Variants in HCN1 observed in about 807,000 individuals in gnomAD.
HCN1 encodes the protein hyperpolarization activated cyclic nucleotide gated potassium channel 1.
A neutral mutation model predicts 78.9 loss-of-function variants in HCN1; 13 were observed. The ratio of observed to expected loss-of-function variants is 0.16; its 90% CI spans 0.11 to 0.26. The LOEUF is 0.26. Among genes scored for constraint, HCN1 ranks in the 10% least tolerant of loss-of-function variants. The pLI is 1.00. For missense variants in HCN1, 810 were observed against 1,154.3 expected (o/e 0.70, Z 4.32); for synonymous variants, 552 against 455.5 (o/e 1.21, Z -2.70).
chr5:45,611,854 G>A (rs976098382), intron 2 of HCN1, among the ~76,000 whole-genome samples: 10 of 152,056 alleles, frequency 6.6e-5, no homozygotes, highest in African/African-American at 2.4e-4. Context: ...TAACTACATT[G>A]GAGACAAATC....
At chr5:45,339,735 T>A (rs1746535869) in intron 5 of HCN1, among the ~76,000 whole-genome samples, 1 of 152,114 alleles carries the variant, frequency 6.6e-6, no homozygotes, top group African/African-American at 2.4e-5. Flanking sequence ...AACCTGAATA[T>A]GGCATTTAAA....
At chr5:45,622,292 T>A (rs755569041) in intron 2 of HCN1, among the ~76,000 whole-genome samples, 5 of 152,024 alleles carry the variant, frequency 3.3e-5, no homozygotes, top group Non-Finnish European at 5.9e-5. Flanking sequence ...ATACAAGCCA[T>A]GTGAAAGGAA....
rs148825259 is a variant in HCN1, at chr5:45,391,346, G to A, written c.1230+5146C>T. On this transcript the variant is annotated intron_variant, in intron 4 of 7. Coordinates refer to ENST00000303230, the MANE Select transcript of HCN1 (RefSeq NM_021072.4). ...AACTTCAAAGTCCCTCTGCTCTTCT[G>A]AAGGCAGATGCTACTGAATGCTACA... Among the ~76,000 whole-genome samples, 398 of 152,264 alleles carry A rather than the reference G, an allele frequency of 2.6e-3. 1 individual carries two copies. Among genetic ancestry groups the A allele is most frequent in the African/African-American group, 9.1e-3 (377 of 41,548 alleles).
intron 2 of HCN1, among the ~76,000 whole-genome samples, chr5:45,545,135 G>T (rs538603700): frequency 1.3e-5 from 2 of 151,974 alleles, no homozygotes; most frequent in East Asian, 3.9e-4. Flanking sequence ...TTTAATGATC[G>T]CCATTCTAAC....
chr5:45,339,104 G>T (rs1746522348), intron 5 of HCN1, among the ~76,000 whole-genome samples: 1 of 152,092 alleles, frequency 6.6e-6, no homozygotes, highest in Non-Finnish European at 1.5e-5. Context: ...ATTTTATTAA[G>T]CAGTCATGAT....
intron 4 of HCN1, among the ~76,000 whole-genome samples, chr5:45,360,674 T>A (rs1370892167): frequency 1.3e-5 from 2 of 152,110 alleles, no homozygotes; most frequent in African/African-American, 2.4e-5. Flanking sequence ...GGTTATTTTA[T>A]GAAAAAGTTT....
chr5:45,348,390 C>T (rs57124569), intron 5 of HCN1, among the ~76,000 whole-genome samples: 7,008 of 152,092 alleles, frequency 0.046, 570 homozygotes, highest in African/African-American at 0.16. Flanking sequence ...AAGGAACGAC[C>T]GGTACCAGCC....
chr5:45,418,384 C>T (rs1469282359), intron 3 of HCN1, among the ~76,000 whole-genome samples: 3 of 150,098 alleles, frequency 2.0e-5, no homozygotes, highest in Admixed American at 2.0e-4. Context: ...GCCAAATCAG[C>T]ATTATTTTTT....
chr5:45,285,781 C>T (rs983687862), intron 6 of HCN1, among the ~76,000 whole-genome samples: 2 of 151,892 alleles, frequency 1.3e-5, no homozygotes, highest in African/African-American at 2.4e-5. Flanking sequence ...ACCATCCATA[C>T]CCCCTTGCAG....
At chr5:45,342,608 T>C (rs1024728421) in intron 5 of HCN1, among the ~76,000 whole-genome samples, 1 of 152,128 alleles carries the variant, frequency 6.6e-6, no homozygotes, top group African/African-American at 2.4e-5. Context: ...TAGTTATACA[T>C]TCTAATTTGA....
intron 2 of HCN1, chr5:45,558,207 G>C (rs1561200512): frequency 6.6e-6 from 1 of 151,822 alleles, no homozygotes; most frequent in Non-Finnish European, 1.5e-5. Flanking sequence ...GAGTGTTCTG[G>C]ATAGAATCAA....
chr5:45,523,393 C>T (rs1742656191), intron 2 of HCN1, among the ~76,000 whole-genome samples: 1 of 152,062 alleles, frequency 6.6e-6, no homozygotes, highest in South Asian at 2.1e-4. Context: ...ATGGCTGGGT[C>T]AAATGGTATT....
At chr5:45,321,992 G>A (rs1412405459) in intron 5 of HCN1, among the ~76,000 whole-genome samples, 1 of 151,800 alleles carries the variant, frequency 6.6e-6, no homozygotes, top group Non-Finnish European at 1.5e-5. Flanking sequence ...GAAAATTAGT[G>A]TAAAAGGTAA....
chr5:45,472,761 CAT>C (rs1196718034), intron 2 of HCN1, among the ~76,000 whole-genome samples: 14 of 152,064 alleles, frequency 9.2e-5, no homozygotes, highest in East Asian at 1.9e-4. Context: ...ATACTTATCA[CAT>C]GTCTGTAATA....
chr5:45,337,825 T>C (rs1173930564), intron 5 of HCN1, among the ~76,000 whole-genome samples: 2 of 152,118 alleles, frequency 1.3e-5, no homozygotes, highest in East Asian at 1.9e-4. Context: ...AACATTTGTA[T>C]TGAGATTTGA....
At chr5:45,346,572 T>A (rs1746717173) in intron 5 of HCN1, among the ~76,000 whole-genome samples, 2 of 152,248 alleles carry the variant, frequency 1.3e-5, no homozygotes, top group South Asian at 4.2e-4. Flanking sequence ...ACTACCTCAC[T>A]CAGGAAGCGC....
chr5:45,621,101 A>G, intron 2 of HCN1, among the ~76,000 whole-genome samples: 1 of 152,144 alleles, frequency 6.6e-6, no homozygotes, highest in Non-Finnish European at 1.5e-5. Context: ...AACTCAAACA[A>G]TGATTCTGGG....
At chr5:45,637,283 C>A (rs1357021177) in intron 2 of HCN1, among the ~76,000 whole-genome samples, 2 of 152,086 alleles carry the variant, frequency 1.3e-5, no homozygotes, top group African/African-American at 4.8e-5. Flanking sequence ...TTGTTGTTTA[C>A]ACTATAAATG....
chr5:45,372,200 A>T (rs1400995742), intron 4 of HCN1, among the ~76,000 whole-genome samples: 3 of 63,994 alleles, frequency 4.7e-5, no homozygotes, highest in African/African-American at 9.2e-5. Context: ...AATTAATATA[A>T]TACATATTAT....
Sources: gnomAD v4.1 joint callset for allele counts (sites outside exome capture counted in the v4.1 genomes callset) on GRCh38, gnomAD v4.1.1 for gene constraint, MANE v1.5 for transcripts, NCBI Gene and HGNC (gene_info 2026-07-23, HGNC 2026-07-21) for gene names.